The following TENM4 variants were observed in gnomAD, a reference collection of about 807,000 sequenced individuals.
TENM4 encodes teneurin-4.
In TENM4, 82 loss-of-function variants were observed where a neutral mutation model predicts 243.3. The observed-to-expected ratio is 0.34, with a 90% CI of 0.28 to 0.40. TENM4 has a LOEUF of 0.40. Among genes scored for constraint, TENM4 ranks in the 10% least tolerant of loss-of-function variants. The probability of loss-of-function intolerance (pLI) is 1.00; values close to 1 mark genes in which losing one functional copy is unlikely to be tolerated. For synonymous variants in TENM4, 1,412 were observed against 1,456.3 expected (o/e 0.97, Z 0.69); for missense variants, 3,138 against 3,673.3 (o/e 0.85, Z 3.77).
chr11:78,767,798 T>C lies in TENM4; in HGVS notation c.2539+3194A>G, dbSNP rs371729497. ...ATTATGCTGTATACCCTGTCATGGC[T>C]GAAATAAAGGCACTTATTTAATTCT... On this transcript the variant is annotated intron_variant, in intron 18 of 33. Coordinates refer to ENST00000278550, the MANE Select transcript of TENM4 (RefSeq NM_001098816.3). Among the ~76,000 whole-genome samples the C allele has an allele frequency of 3.9e-5, 6 of 152,230 alleles. No individual in the cohort carries two copies. The South Asian group carries it at 1.2e-3, about 32-fold the overall frequency.
At chr11:79,016,847 T>A (rs1467050295) in intron 6 of TENM4, among the ~76,000 whole-genome samples, 1 of 152,220 alleles carries the variant, frequency 6.6e-6, no homozygotes, top group Admixed American at 6.5e-5. Context: ...GTGGTCTTGT[T>A]AAGAGCATGG....
intron 2 of TENM4, among the ~76,000 whole-genome samples, chr11:79,271,417 C>T (rs1471054171): frequency 6.6e-6 from 1 of 152,236 alleles, no homozygotes; most frequent in Non-Finnish European, 1.5e-5. Context: ...TCATACCAAT[C>T]TGGAGTGTTC....
intron 13 of TENM4, 124 bp from the exon 14 acceptor site, chr11:78,812,440 C>T (rs550563157): frequency 3.5e-5 from 37 of 1,060,842 alleles, no homozygotes; most frequent in Middle Eastern, 2.1e-4. Context: ...CCACAAACAC[C>T]CATGTGTGCC....
At chr11:79,431,889 G>A (rs1211148729) in intron 1 of TENM4, among the ~76,000 whole-genome samples, 1 of 152,060 alleles carries the variant, frequency 6.6e-6, no homozygotes, top group African/African-American at 2.4e-5. Context: ...ATTTTACATT[G>A]GAGTTCACAA....
chr11:79,104,728 T>G (rs935107325), intron 4 of TENM4, among the ~76,000 whole-genome samples: 1 of 152,230 alleles, frequency 6.6e-6, no homozygotes, highest in African/African-American at 2.4e-5. Flanking sequence ...ACGTTATTAG[T>G]GGGTCAAAGA....
rs376669865 is a variant in TENM4, at chr11:78,786,968, G to A, written c.2295C>T (p.Ala765=). 1.5e-4 allele frequency: 243 copies of A among 1,593,808 alleles called. No individual in the cohort carries two copies. Among genetic ancestry groups the A allele is most frequent in the Non-Finnish European group, 1.9e-4 (218 of 1,170,726 alleles). Residue 765 remains alanine, a synonymous_variant, in exon 16 of 34, where the codon GCC becomes GCT. Transcript: ENST00000278550. The stretch of plus-strand genomic sequence containing the variant: ...TGCCGTCGCGGCAGGTCCCATGCTC[G>A]GCACAGCGCGGGTGGCAGGCCCGCT... The part of the protein sequence containing the change: ...CDQRACHPRC[A]EHGTCRDGKC...
At chr11:79,390,556 A>G (rs866491270) in intron 1 of TENM4, among the ~76,000 whole-genome samples, 1 of 152,112 alleles carries the variant, frequency 6.6e-6, no homozygotes, top group African/African-American at 2.4e-5. Context: ...TGGGGCCCAC[A>G]GAGAAAGTGA....
intron 6 of TENM4, among the ~76,000 whole-genome samples, chr11:79,053,648 T>C (rs960185342): frequency 2.0e-5 from 3 of 152,226 alleles, no homozygotes; most frequent in Non-Finnish European, 4.4e-5. Context: ...TCCTGATTGC[T>C]GCTGCTTCCC....
intron 1 of TENM4, among the ~76,000 whole-genome samples, chr11:79,355,839 T>G (rs548095806): frequency 6.6e-6 from 1 of 152,320 alleles, no homozygotes; most frequent in African/African-American, 2.4e-5. Flanking sequence ...CACTGACACA[T>G]GAGACCACAG....
At position 78,966,849 on chromosome 11, in the gene TENM4, G is replaced by T. The variant is rs563527303; in HGVS notation, c.494-63326C>A. Reference sequence around the variant, plus strand: ...AGTCCACTGAGACTTGCTGAGACACGCTGGCCTGCTCTCATTTCCATGGAC... The same window carrying T: ...AGTCCACTGAGACTTGCTGAGACACTCTGGCCTGCTCTCATTTCCATGGAC... On this transcript the variant is annotated intron_variant, in intron 6 of 33. Coordinates refer to ENST00000278550, the MANE Select transcript of TENM4 (RefSeq NM_001098816.3). Among the ~76,000 whole-genome samples, 81 of 152,122 alleles carry T rather than the reference G, an allele frequency of 5.3e-4. 1 individual carries two copies. The highest frequency in any genetic ancestry group is 1.9e-3 in the African/African-American group (77 of 41,516).
At chr11:78,971,824 A>G (rs1255684440) in intron 6 of TENM4, among the ~76,000 whole-genome samples, 1 of 152,188 alleles carries the variant, frequency 6.6e-6, no homozygotes, top group African/African-American at 2.4e-5. Flanking sequence ...AACATCCTAA[A>G]TGTTAAAAAT....
At chr11:79,181,220 A>C (rs949251942) in intron 3 of TENM4, among the ~76,000 whole-genome samples, 1 of 152,150 alleles carries the variant, frequency 6.6e-6, no homozygotes, top group Non-Finnish European at 1.5e-5. Context: ...AAATCCAACA[A>C]TGTACATAAA....
intron 1 of TENM4, among the ~76,000 whole-genome samples, chr11:79,376,189 C>T (rs1857887203): frequency 6.6e-6 from 1 of 152,204 alleles, no homozygotes; most frequent in Non-Finnish European, 1.5e-5. Context: ...CTGTCAGCTG[C>T]AGAGACTTGC....
chr11:78,863,297 C>T (rs1858871849), intron 9 of TENM4, among the ~76,000 whole-genome samples, 165 bp from the exon 10 acceptor site: 1 of 152,214 alleles, frequency 6.6e-6, no homozygotes, highest in Non-Finnish European at 1.5e-5. Context: ...GCAAAGGAGA[C>T]TGGGGACAGA....
Position 78,856,084 on chromosome 11 carries a change from A to C in TENM4, c.1350T>G (p.Thr450=). The C allele has an allele frequency of 1.9e-6, 3 of 1,551,756 alleles. No individual in the cohort carries two copies. Among genetic ancestry groups the C allele is most frequent in the Non-Finnish European group, 2.6e-6 (3 of 1,147,006 alleles). The change falls in exon 11 of 34, where the codon ACT becomes ACG. Residue 450 remains threonine (T), a synonymous_variant. Coordinates refer to ENST00000278550, the MANE Select transcript of TENM4 (RefSeq NM_001098816.3). ...RRASQKIPPG[T]FWRSQVFIDH... is the part of the protein sequence containing the mutation. ...CTATGAACACTTGAGATCTCCAGAA[A>C]GTGCCAGGAGGAATCTTCTGGGAAG...
intron 2 of TENM4, among the ~76,000 whole-genome samples, chr11:79,295,779 T>C (rs771147593): frequency 4.6e-5 from 7 of 151,966 alleles, no homozygotes; most frequent in Non-Finnish European, 8.8e-5. Context: ...GTGATTGGCC[T>C]CCCCTAGTAA....
chr11:79,247,179 G>A (rs925304488), intron 2 of TENM4, among the ~76,000 whole-genome samples: 8 of 151,890 alleles, frequency 5.3e-5, no homozygotes, highest in African/African-American at 1.5e-4. Flanking sequence ...CATTTTGGGA[G>A]GTTAAGGTGG....
chr11:79,147,012 C>G (rs77108747), intron 4 of TENM4, among the ~76,000 whole-genome samples: 1 of 152,086 alleles, frequency 6.6e-6, no homozygotes, highest in Admixed American at 6.6e-5. Context: ...CATGCATAGA[C>G]GTGTGTATAC....
intron 1 of TENM4, among the ~76,000 whole-genome samples, chr11:79,314,857 A>G (rs1308561660): frequency 3.3e-5 from 5 of 152,210 alleles, no homozygotes; most frequent in Non-Finnish European, 7.3e-5. Flanking sequence ...CTCCATACCC[A>G]GAAACTCTGA....
Sources: gnomAD v4.1 joint callset for allele counts (sites outside exome capture counted in the v4.1 genomes callset) on GRCh38, gnomAD v4.1.1 for gene constraint, MANE v1.5 for transcripts, NCBI Gene and HGNC (gene_info 2026-07-23, HGNC 2026-07-21) for gene names.